Variants in MTR observed in about 807,000 individuals in gnomAD.
The protein encoded by MTR is methionine synthase.
Under a neutral mutation model 154.8 loss-of-function variants are expected in MTR, and 84 were observed. The ratio of observed to expected loss-of-function variants is 0.54; its 90% CI spans 0.45 to 0.65. The LOEUF (loss-of-function observed/expected upper bound fraction) is 0.65. Ranked by LOEUF, MTR falls within the 30% of genes least tolerant of loss-of-function variation. MTR has a pLI of 0.00. For missense variants in MTR, 1,275 were observed against 1,570.2 expected (o/e 0.81, Z 3.18); for synonymous variants, 554 against 553.9 (o/e 1.00, Z 0.00).
intron 31 of MTR, 152 bp downstream of exon 31, chr1:236,895,702 T>G (rs981423054): frequency 3.9e-6 from 2 of 513,808 alleles, no homozygotes; most frequent in Non-Finnish European, 6.4e-6. Flanking sequence ...GTAGCTATTC[T>G]GCATTTTACT....
chr1:236,900,915 A>G lies in MTR; in HGVS notation c.*3271A>G, dbSNP rs1666889726. 6.5e-6 allele frequency: 1 copy of G among 152,740 alleles called. No individual in the cohort carries two copies. Among genetic ancestry groups the G allele is most frequent in the Non-Finnish European group, 1.5e-5 (1 of 68,082 alleles). 9.5% of individuals were successfully genotyped at this position (152,740 alleles called of 1,614,324 possible). On this transcript the variant is annotated 3_prime_UTR_variant, in exon 33 of 33. Coordinates refer to ENST00000366577, the MANE Select transcript of MTR (RefSeq NM_000254.3). Reference sequence around the variant, plus strand: ...AGTTTTGGAAAGATTCGATGTGACTAGACTGAATATAGGCAGTTGGATACT... The same window carrying G: ...AGTTTTGGAAAGATTCGATGTGACTGGACTGAATATAGGCAGTTGGATACT...
rs185377184 is a variant in MTR, at chr1:236,861,340, C to T, written c.2196+63C>T. 3.4e-3 allele frequency: 5,504 copies of T among 1,607,312 alleles called. 20 individuals carry two copies. Among genetic ancestry groups the T allele is most frequent in the Middle Eastern group, 4.6e-3 (27 of 5,894 alleles). ...CTTTTCTTTGTCATTTAATAAATGG[C>T]GATTTGGGATATATTTCTCAGGTTT... On this transcript the variant is annotated intron_variant, in intron 20 of 32. Transcript: ENST00000366577.
intron 8 of MTR, among the ~76,000 whole-genome samples, chr1:236,823,356 G>A (rs1349565628): frequency 6.6e-6 from 1 of 152,144 alleles, no homozygotes; most frequent in Non-Finnish European, 1.5e-5. Flanking sequence ...GGTCATGTCA[G>A]TTCTCAAAAA....
chr1:236,861,737 C>A (rs1185228463), intron 20 of MTR, among the ~76,000 whole-genome samples: 1 of 152,212 alleles, frequency 6.6e-6, no homozygotes, highest in East Asian at 1.9e-4. Flanking sequence ...TGATTTACAG[C>A]AGCTGCTAAC....
chr1:236,881,865 A>G (rs1343281138), intron 25 of MTR, among the ~76,000 whole-genome samples: 5 of 152,180 alleles, frequency 3.3e-5, no homozygotes, highest in Non-Finnish European at 5.9e-5. Flanking sequence ...TGATATAGGT[A>G]TTTTTTGGTC....
chr1:236,886,375 T>G lies in MTR; in HGVS notation c.2851+8T>G, dbSNP rs1317472591. ...TGTCTGAACCTCACCCAGGTCTGTT[T>G]GGCTATGGACTAGAGAAAGACTGGG... is the stretch of plus-strand genomic sequence containing the variant. On this transcript the variant is annotated splice_region_variant and intron_variant, in intron 27 of 32. Transcript: ENST00000366577. 9.3e-6 allele frequency: 15 copies of G among 1,613,808 alleles called. No individual in the cohort carries two copies. In the East Asian group the frequency reaches 3.1e-4, roughly 34 times the overall value.
intron 10 of MTR, among the ~76,000 whole-genome samples, chr1:236,826,360 G>C (rs1662287235): frequency 6.6e-6 from 1 of 152,082 alleles, no homozygotes; most frequent in Non-Finnish European, 1.5e-5. Context: ...TCAGTGGTGT[G>C]ATCATAGCTT....
chr1:236,826,255 A>G (rs1353803592), intron 10 of MTR, among the ~76,000 whole-genome samples: 1 of 152,200 alleles, frequency 6.6e-6, no homozygotes, highest in Non-Finnish European at 1.5e-5. Flanking sequence ...GCATGTGGGT[A>G]AAAAAGTCAT....
chr1:236,808,036 A>T (rs1214723731), intron 3 of MTR, among the ~76,000 whole-genome samples: 2 of 152,202 alleles, frequency 1.3e-5, no homozygotes, highest in Non-Finnish European at 2.9e-5. Flanking sequence ...TTCAAGACAC[A>T]TAGGATCTTA....
chr1:236,858,786 G>A lies in MTR; in HGVS notation c.1954-1047G>A, dbSNP rs139043287. ...TGATACTTAGGTTTCCGGTTTGGCA[G>A]CTGGTACCTCCAGTTGAGGTGGAGA... On this transcript the variant is annotated intron_variant, in intron 18 of 32. Coordinates refer to ENST00000366577, the MANE Select transcript of MTR (RefSeq NM_000254.3). 3.9e-3 allele frequency among the ~76,000 whole-genome samples: 599 copies of A among 152,304 alleles called. 4 individuals are homozygous for A. Among genetic ancestry groups the A allele is most frequent in the Middle Eastern group, 0.014 (4 of 294 alleles).
At chr1:236,863,382 C>A in intron 21 of MTR, 72 bp from the exon 22 acceptor site, 1 of 1,207,066 alleles carries the variant, frequency 8.3e-7, no homozygotes, top group Non-Finnish European at 1.2e-6. Flanking sequence ...CTGGCCCCTG[C>A]CTGGCTCTGG....
intron 24 of MTR, among the ~76,000 whole-genome samples, chr1:236,879,377 G>A (rs1283455268): frequency 2.6e-5 from 4 of 152,214 alleles, no homozygotes; most frequent in Non-Finnish European, 5.9e-5. Flanking sequence ...TAAATATAGT[G>A]TTCTGCTACT....
At chr1:236,798,216 C>T (rs1470290515) in intron 1 of MTR, among the ~76,000 whole-genome samples, 1 of 152,162 alleles carries the variant, frequency 6.6e-6, no homozygotes, top group Non-Finnish European at 1.5e-5. Context: ...AAAGAGGGGT[C>T]CTAAGTAAGT....
At chr1:236,844,466 GTGTGT>G (rs1663451806) in intron 15 of MTR, among the ~76,000 whole-genome samples, 1 of 20,240 alleles carries the variant, frequency 4.9e-5, no homozygotes, top group Non-Finnish European at 1.0e-4. Flanking sequence ...GTGTGTGTGT[GTGTGT>G]GTGTGTGTGT....
At position 236,862,237 on chromosome 1, in the gene MTR, T is replaced by C; in HGVS notation, c.2198T>C (p.Val733Ala). ...FGAGKMFLPQ[V>A]IKSARVMKKA... The stretch of plus-strand genomic sequence containing the variant: ...CCTGATCTATGCTTTTTTTCTCAGG[T>C]TATAAAGTCAGCCCGGGTTATGAAG... The change falls in exon 21 of 33, where the codon GTT becomes GCT. Residue 733 changes from valine (V) to alanine (A), a missense_variant and splice_region_variant. By Grantham distance (64) the Val-to-Ala change is moderately conservative. Transcript: ENST00000366577. The C allele has an allele frequency of 2.5e-6, 4 of 1,612,962 alleles. No individual in the cohort carries two copies. Among genetic ancestry groups the C allele is most frequent in the Non-Finnish European group, 3.4e-6 (4 of 1,178,976 alleles).
At position 236,838,436 on chromosome 1, in the gene MTR, C is replaced by G. The variant is rs1663032090; in HGVS notation, c.1352C>G (p.Ser451Cys). 1 of 1,613,980 alleles carries G rather than the reference C, an allele frequency of 6.2e-7. No homozygotes were observed. Among genetic ancestry groups the G allele is most frequent in the Admixed American group, 1.7e-5 (1 of 60,002 alleles). The change falls in exon 15 of 33, where the codon TCC (serine) becomes TGC (cysteine). Residue 451 changes from serine (S) to cysteine (C), a missense_variant. By Grantham distance (112) the Ser-to-Cys change is moderately radical. Transcript: ENST00000366577. ...CAGGTACCTTTGTGCATCGACTCCT[C>G]CAATTTTGCTGTGATTGAAGCTGGG... ...IAKVPLCIDS[S>C]NFAVIEAGLK... is the part of the protein sequence containing the mutation.
intron 1 of MTR, among the ~76,000 whole-genome samples, chr1:236,801,964 C>G (rs1052870048): frequency 6.6e-6 from 1 of 152,124 alleles, no homozygotes; most frequent in Non-Finnish European, 1.5e-5. Flanking sequence ...CAAGGCACTT[C>G]CATAGATGTA....
intron 12 of MTR, among the ~76,000 whole-genome samples, chr1:236,831,096 C>T (rs1662583742): frequency 6.6e-6 from 1 of 152,134 alleles, no homozygotes; most frequent in African/African-American, 2.4e-5. Context: ...TGGGAAGTTG[C>T]CCCAAGGTTG....
At chr1:236,857,740 C>A (rs768793472) in intron 18 of MTR, among the ~76,000 whole-genome samples, 1 of 152,144 alleles carries the variant, frequency 6.6e-6, no homozygotes, top group African/African-American at 2.4e-5. Flanking sequence ...TGTCACCCAG[C>A]GCAGCAAGTG....
Sources: allele counts gnomAD v4.1 joint callset (sites outside exome capture counted in the v4.1 genomes callset), GRCh38; gene constraint gnomAD v4.1.1; transcripts MANE v1.5; gene names NCBI Gene and HGNC (gene_info 2026-07-23, HGNC 2026-07-21).